TSHZ2: variants seen among roughly 807,000 people sequenced by gnomAD.
TSHZ2 encodes the protein teashirt zinc finger homeobox 2.
Under a neutral mutation model 74.4 loss-of-function variants are expected in TSHZ2, and 21 were observed. The observed-to-expected ratio is 0.28, with a 90% confidence interval of 0.20 to 0.41. The LOEUF is 0.41. TSHZ2 is among the 10% of genes least tolerant of loss of function. The probability of loss-of-function intolerance (pLI) is 1.00; values close to 1 mark genes in which losing one functional copy is unlikely to be tolerated. For missense variants in TSHZ2, 1,244 were observed against 1,293.5 expected (o/e 0.96, Z 0.59); for synonymous variants, 540 against 515.3 (o/e 1.05, Z -0.65).
chr20:53,428,845 G>T (rs1175719992), intron 2 of TSHZ2, among the ~76,000 whole-genome samples: 1 of 152,160 alleles, frequency 6.6e-6, no homozygotes, highest in Non-Finnish European at 1.5e-5. Flanking sequence ...TCGCAGGTCA[G>T]GGGAGGGAAA....
chr20:53,046,323 G>A (rs576042372), intron 1 of TSHZ2, among the ~76,000 whole-genome samples: 19 of 152,202 alleles, frequency 1.2e-4, no homozygotes, highest in African/African-American at 3.4e-4. Context: ...GACCTCCGCC[G>A]CCAACATCAG....
intron 2 of TSHZ2, among the ~76,000 whole-genome samples, chr20:53,367,062 T>A (rs1321592346): frequency 6.6e-6 from 1 of 152,140 alleles, no homozygotes; most frequent in Admixed American, 6.6e-5. Context: ...GCCTCATTAT[T>A]CAAATGCCAA....
intron 1 of TSHZ2, among the ~76,000 whole-genome samples, chr20:53,213,565 A>G (rs1439873714): frequency 6.6e-6 from 1 of 152,140 alleles, no homozygotes; most frequent in Non-Finnish European, 1.5e-5. Context: ...ACACACACAC[A>G]CGAGAGACAG....
At chr20:53,115,002 T>C (rs796829120) in intron 1 of TSHZ2, among the ~76,000 whole-genome samples, 1 of 152,218 alleles carries the variant, frequency 6.6e-6, no homozygotes, top group Non-Finnish European at 1.5e-5. Flanking sequence ...CAGTGGCTGG[T>C]GTCCACTGAG....
chr20:53,054,731 A>T (rs1984582413), intron 1 of TSHZ2, among the ~76,000 whole-genome samples: 1 of 152,288 alleles, frequency 6.6e-6, no homozygotes, highest in Middle Eastern at 3.4e-3. Context: ...TCACTTTTTG[A>T]CATCCTCCTT....
intron 1 of TSHZ2, among the ~76,000 whole-genome samples, chr20:52,993,791 T>C (rs1432518812): frequency 4.6e-5 from 7 of 152,248 alleles, no homozygotes; most frequent in East Asian, 1.9e-4. Context: ...ATGACACTTG[T>C]GACACATAGT....
At position 53,391,303 on chromosome 20, in the gene TSHZ2, C is replaced by A. The variant is rs1982246655; in HGVS notation, c.*9-95841C>A. Among the ~76,000 whole-genome samples the A allele has an allele frequency of 2.0e-5, 3 of 152,198 alleles. No individual in the cohort carries two copies. In the South Asian group the frequency reaches 6.2e-4, roughly 32 times the overall value. Reference sequence around the variant, plus strand: ...CTGGGACTACAGGCACCCGCCACCACATCCAGCTAATTTTTGTATTTTTAA... The same window carrying A: ...CTGGGACTACAGGCACCCGCCACCAAATCCAGCTAATTTTTGTATTTTTAA... On this transcript the variant is annotated intron_variant, in intron 2 of 2. Transcript: ENST00000371497.
rs146727003 is a variant in TSHZ2 at position 53,466,337 on chromosome 20, G to A, written c.*9-20807G>A. ...TATGTCCATACTTGGAGGGCATACC[G>A]TTCTTATTAAATGCCAGCAACTCAC... On this transcript the variant is annotated intron_variant, in intron 2 of 2. Transcript: ENST00000371497. 8.6e-5 allele frequency among the ~76,000 whole-genome samples: 13 copies of A among 151,316 alleles called. No homozygotes were observed. In the East Asian group the frequency reaches 1.4e-3, roughly 16 times the overall value.
chr20:53,159,984 T>C (rs983124856), intron 1 of TSHZ2, among the ~76,000 whole-genome samples: 4 of 152,098 alleles, frequency 2.6e-5, no homozygotes, highest in African/African-American at 9.7e-5. Context: ...CCTGAGGACG[T>C]TGTGTTTGAG....
At chr20:53,160,297 G>T (rs1408330010) in intron 1 of TSHZ2, among the ~76,000 whole-genome samples, 1 of 152,170 alleles carries the variant, frequency 6.6e-6, no homozygotes, top group Non-Finnish European at 1.5e-5. Flanking sequence ...TTTATGGGAT[G>T]ATCTTTCACC....
chr20:53,350,657 T>C (rs546491845), intron 2 of TSHZ2, among the ~76,000 whole-genome samples: 1 of 152,376 alleles, frequency 6.6e-6, no homozygotes, highest in African/African-American at 2.4e-5. Flanking sequence ...TGTTCTCGTA[T>C]GTTTTTGCAG....
intron 1 of TSHZ2, among the ~76,000 whole-genome samples, chr20:53,095,764 A>ACCC (rs1986020851): frequency 6.6e-6 from 1 of 151,208 alleles, no homozygotes; most frequent in African/African-American, 2.4e-5. Flanking sequence ...TCTCCTTCTT[A>ACCC]CCCCCCACCC....
chr20:53,472,559 A>T (rs1985844065), intron 2 of TSHZ2, among the ~76,000 whole-genome samples: 1 of 152,166 alleles, frequency 6.6e-6, no homozygotes, highest in Non-Finnish European at 1.5e-5. Flanking sequence ...GGATGTTCAG[A>T]TCTGGAACTC....
intron 1 of TSHZ2, chr20:53,097,610 T>G (rs1424410551): frequency 1.3e-5 from 2 of 152,270 alleles, no homozygotes; most frequent in African/African-American, 4.8e-5. Flanking sequence ...AACCTTGGCC[T>G]GCATGTTCTA....
intron 2 of TSHZ2, among the ~76,000 whole-genome samples, chr20:53,334,475 C>T (rs2145555259): frequency 6.6e-6 from 1 of 151,996 alleles, no homozygotes; most frequent in East Asian, 1.9e-4. Flanking sequence ...CTAAGGGGGT[C>T]TGCATGGCTG....
chr20:53,308,794 C>T (rs139121474), intron 2 of TSHZ2, among the ~76,000 whole-genome samples: 17 of 152,256 alleles, frequency 1.1e-4, no homozygotes, highest in East Asian at 3.9e-4. Context: ...ACCCCGTTAT[C>T]GGAACCAGGC....
intron 1 of TSHZ2, among the ~76,000 whole-genome samples, chr20:53,120,818 G>A (rs750692507): frequency 5.3e-5 from 8 of 152,212 alleles, no homozygotes; most frequent in Non-Finnish European, 1.0e-4. Context: ...ATCAAGCCCT[G>A]AGTTGCATAA....
chr20:53,470,482 C>T (rs1985763310), intron 2 of TSHZ2, among the ~76,000 whole-genome samples: 1 of 152,158 alleles, frequency 6.6e-6, no homozygotes, highest in African/African-American at 2.4e-5. Context: ...CATCATGTGT[C>T]TCCATTGCTC....
chr20:53,402,479 C>A (rs1982704120), intron 2 of TSHZ2, among the ~76,000 whole-genome samples: 1 of 152,108 alleles, frequency 6.6e-6, no homozygotes, highest in Non-Finnish European at 1.5e-5. Flanking sequence ...GCTATGCCAT[C>A]TAGGTTTGTG....
Sources: gnomAD v4.1 joint callset for allele counts (sites outside exome capture counted in the v4.1 genomes callset) on GRCh38, gnomAD v4.1.1 for gene constraint, MANE v1.5 for transcripts, NCBI Gene and HGNC (gene_info 2026-07-23, HGNC 2026-07-21) for gene names.